CSMD1: variants seen among roughly 807,000 people sequenced by gnomAD.
CSMD1 encodes CUB and sushi domain-containing protein 1.
Under a neutral mutation model 417.5 loss-of-function variants are expected in CSMD1, and 213 were observed. The ratio of observed to expected loss-of-function variants is 0.51; its 90% CI spans 0.46 to 0.57. The LOEUF (loss-of-function observed/expected upper bound fraction) is 0.57. Ranked by LOEUF, CSMD1 falls within the 20% of genes least tolerant of loss-of-function variation. The pLI is 0.00. For synonymous variants in CSMD1, 2,862 were observed against 1,736.8 expected (o/e 1.65, Z -16.11); for missense variants, 6,923 against 4,529.7 (o/e 1.53, Z -15.17).
intron 5 of CSMD1, among the ~76,000 whole-genome samples, chr8:3,893,052 G>C (rs868561386): frequency 6.6e-6 from 1 of 151,618 alleles, no homozygotes; most frequent in Non-Finnish European, 1.5e-5. Flanking sequence ...GATTAAACAA[G>C]TTTGACCAAG....
intron 3 of CSMD1, among the ~76,000 whole-genome samples, chr8:4,118,928 C>A (rs964686583): frequency 6.6e-6 from 1 of 152,284 alleles, no homozygotes; most frequent in East Asian, 1.9e-4. Context: ...AGGATGAGTT[C>A]ATTTCCTTTG....
At chr8:4,350,112 G>A (rs1375760898) in intron 3 of CSMD1, among the ~76,000 whole-genome samples, 2 of 152,090 alleles carry the variant, frequency 1.3e-5, no homozygotes, top group South Asian at 2.1e-4. Context: ...TGGCTGCTAC[G>A]TCAGATTCAT....
intron 10 of CSMD1, among the ~76,000 whole-genome samples, chr8:3,558,730 C>T (rs73658190): frequency 0.09 from 13,405 of 148,582 alleles, 1,228 homozygotes; most frequent in African/African-American, 0.21. Context: ...AGTAGTACCC[C>T]GTGTTCACTC....
chr8:3,742,712 T>C (rs1415574836), intron 6 of CSMD1, among the ~76,000 whole-genome samples: 1 of 151,318 alleles, frequency 6.6e-6, no homozygotes, highest in East Asian at 1.9e-4. Context: ...GAAGCTTGCA[T>C]AGGATCAGAG....
At chr8:3,686,753 C>G (rs1164296794) in intron 7 of CSMD1, among the ~76,000 whole-genome samples, 3 of 152,206 alleles carry the variant, frequency 2.0e-5, no homozygotes, top group Admixed American at 2.0e-4. Flanking sequence ...TATTCTTTGT[C>G]CAAGCCAGTC....
chr8:4,698,509 G>A (rs1169103053), intron 1 of CSMD1, among the ~76,000 whole-genome samples: 2 of 152,004 alleles, frequency 1.3e-5, no homozygotes, highest in African/African-American at 2.4e-5. Flanking sequence ...TGTGTGTTAG[G>A]CCTAAAGAAG....
intron 3 of CSMD1, among the ~76,000 whole-genome samples, chr8:4,209,756 C>G (rs886885799): frequency 6.6e-6 from 1 of 152,218 alleles, no homozygotes; most frequent in African/African-American, 2.4e-5. Flanking sequence ...CACAGCAGGA[C>G]TACACCATAG....
intron 2 of CSMD1, among the ~76,000 whole-genome samples, chr8:4,440,337 G>A (rs1460057819): frequency 2.0e-5 from 3 of 152,140 alleles, no homozygotes; most frequent in Non-Finnish European, 4.4e-5. Flanking sequence ...TGGGAAGCAT[G>A]TAAATAAATC....
chr8:3,563,150 C>T lies in CSMD1; in HGVS notation c.1344+11795G>A, dbSNP rs746969386. Reference sequence around the variant, plus strand: ...TATTTCTTCCCCCTATTTCATTGTCCTAATGTATTTGGCACTGTGTGACTA... The same window carrying T: ...TATTTCTTCCCCCTATTTCATTGTCTTAATGTATTTGGCACTGTGTGACTA... On this transcript the variant is annotated intron_variant, in intron 10 of 69. Transcript: ENST00000635120. Among the ~76,000 whole-genome samples, 51 of 151,712 alleles carry T rather than the reference C, an allele frequency of 3.4e-4. 1 individual carries two copies. The highest frequency in any genetic ancestry group is 1.8e-4 in the Non-Finnish European group (12 of 67,952).
At chr8:3,271,427 C>G (rs1801846623) in intron 26 of CSMD1, among the ~76,000 whole-genome samples, 2 of 151,402 alleles carry the variant, frequency 1.3e-5, no homozygotes, top group Admixed American at 6.6e-5. Flanking sequence ...GATTTATATT[C>G]CTTTGGGTAT....
rs542935149 is a variant in CSMD1 at position 4,284,310 on chromosome 8, G to A, written c.415+135643C>T. ...TTGAACCCAGGAGGCGGAGGTTGCC[G>A]TGAGCCGAGATCCTGCCAATGCACT... On this transcript the variant is annotated intron_variant, in intron 3 of 69. Coordinates refer to ENST00000635120, the MANE Select transcript of CSMD1 (RefSeq NM_033225.6). Among the ~76,000 whole-genome samples, 7 of 152,208 alleles carry A rather than the reference G, an allele frequency of 4.6e-5. No homozygotes were observed. In the South Asian group the frequency reaches 8.3e-4, roughly 18 times the overall value.
intron 2 of CSMD1, among the ~76,000 whole-genome samples, chr8:4,602,801 A>AT (rs1182012112): frequency 3.9e-5 from 6 of 152,102 alleles, no homozygotes; most frequent in Admixed American, 3.3e-4. Flanking sequence ...CAATGACTGG[A>AT]TTTTTTAGAA....
At position 3,831,577 on chromosome 8, in the gene CSMD1, G is replaced by C. The variant is rs79708420; in HGVS notation, c.819-77535C>G. 1.3e-4 allele frequency among the ~76,000 whole-genome samples: 20 copies of C among 152,194 alleles called. No individual in the cohort carries two copies. The East Asian group carries it at 3.9e-3, about 29-fold the overall frequency. On this transcript the variant is annotated intron_variant, in intron 5 of 69. Coordinates refer to ENST00000635120, the MANE Select transcript of CSMD1 (RefSeq NM_033225.6). Reference sequence around the variant, plus strand: ...ATGCCTCTGTGCTCACTACAGCAATGGAATATCCCAAATGTCCTCTCTAAT... The same window carrying C: ...ATGCCTCTGTGCTCACTACAGCAATCGAATATCCCAAATGTCCTCTCTAAT...
intron 10 of CSMD1, among the ~76,000 whole-genome samples, chr8:3,569,470 T>C (rs1799856560): frequency 6.6e-6 from 1 of 152,180 alleles, no homozygotes; most frequent in African/African-American, 2.4e-5. Flanking sequence ...GAAGTTTGTA[T>C]TGACTAAGAG....
intron 2 of CSMD1, among the ~76,000 whole-genome samples, chr8:4,551,154 T>A (rs1346293536): frequency 6.6e-6 from 1 of 152,178 alleles, no homozygotes; most frequent in African/African-American, 2.4e-5. Context: ...TATGTGGAGA[T>A]CCTGTGTATC....
intron 18 of CSMD1, among the ~76,000 whole-genome samples, chr8:3,374,335 T>G (rs1810174675): frequency 6.6e-6 from 1 of 152,168 alleles, no homozygotes; most frequent in South Asian, 2.1e-4. Context: ...CATTTAGAGT[T>G]ACTTATTAAG....
intron 3 of CSMD1, among the ~76,000 whole-genome samples, chr8:4,231,965 C>G (rs760515567): frequency 6.6e-6 from 1 of 152,066 alleles, no homozygotes. Flanking sequence ...TCCTTTCTTT[C>G]TTTTGCAAAA....
At chr8:3,888,931 G>A (rs1485874676) in intron 5 of CSMD1, among the ~76,000 whole-genome samples, 1 of 152,010 alleles carries the variant, frequency 6.6e-6, no homozygotes, top group Non-Finnish European at 1.5e-5. Flanking sequence ...ATACCATTTA[G>A]GTTTATGTGA....
intron 18 of CSMD1, among the ~76,000 whole-genome samples, chr8:3,385,740 T>C (rs1810968250): frequency 6.6e-6 from 1 of 152,184 alleles, no homozygotes; most frequent in African/African-American, 2.4e-5. Flanking sequence ...TAAAGTTTAA[T>C]GTAAAAAAAT....
Sources: allele counts gnomAD v4.1 joint callset (sites outside exome capture counted in the v4.1 genomes callset), GRCh38; gene constraint gnomAD v4.1.1; transcripts MANE v1.5; gene names NCBI Gene and HGNC (gene_info 2026-07-23, HGNC 2026-07-21).